Variants in EXTL1 observed in about 807,000 individuals in gnomAD.
The protein encoded by EXTL1 is exostosin like glycosyltransferase 1, also known as exostosin-like 1.
Under a neutral mutation model 64.6 loss-of-function variants are expected in EXTL1, and 43 were observed. That is an observed-to-expected ratio of 0.67 (90% CI 0.52 to 0.86). The LOEUF (loss-of-function observed/expected upper bound fraction) is 0.86. Ranked by LOEUF, EXTL1 falls within the 40% of genes least tolerant of loss-of-function variation. The probability of loss-of-function intolerance (pLI) is 0.00; values close to 1 mark genes in which losing one functional copy is unlikely to be tolerated. For missense variants in EXTL1, 766 were observed against 879.0 expected (o/e 0.87, Z 1.62); for synonymous variants, 352 against 360.5 (o/e 0.98, Z 0.27).
chr1:26,033,851 C>A lies in EXTL1; in HGVS notation c.1674C>A (p.Tyr558Ter). 3 of 1,613,356 alleles carry A rather than the reference C, an allele frequency of 1.9e-6. 1 individual carries two copies. In the South Asian group the frequency reaches 3.3e-5, roughly 18 times the overall value. The change falls in exon 9 of 11, where the codon TAC (tyrosine) becomes TAA (stop). Residue 558 changes from tyrosine to a stop codon, truncating the protein, a stop_gained. Coordinates refer to ENST00000374280, the MANE Select transcript of EXTL1 (RefSeq NM_004455.3). LOFTEE classifies it high-confidence loss of function. This position sits in a 1 kb window ranked among gnomAD's most constrained non-coding sequence, Gnocchi z 5.1. Reference sequence around the variant, plus strand: ...TGGTTCTCACCACAGCCGCCTTCTACCATAGGTACAGACCCCTACCCTGCA... The same window carrying A: ...TGGTTCTCACCACAGCCGCCTTCTAACATAGGTACAGACCCCTACCCTGCA... ...FSMVLTTAAF[Y>*]HRYYHTLFTH...
At position 26,030,491 on chromosome 1, in the gene EXTL1, C is replaced by A; in HGVS notation, c.997C>A (p.Gln333Lys). The A allele has an allele frequency of 6.2e-7, 1 of 1,612,152 alleles. No individual in the cohort carries two copies. The highest frequency in any genetic ancestry group is 8.5e-7 in the Non-Finnish European group (1 of 1,179,224). Reference sequence around the variant, plus strand: ...TCTGCTCCAGGTCCTGGCTGCCCTCCAGGAGATGTCCCCTGCACGGGTCCT... The same window carrying A: ...TCTGCTCCAGGTCCTGGCTGCCCTCAAGGAGATGTCCCCTGCACGGGTCCT... ...RLPLQVLAAL[Q>K]EMSPARVLAL... The change falls in exon 4 of 11, where the codon CAG (glutamine) becomes AAG (lysine). Residue 333 changes from glutamine (Q) to lysine (K), a missense_variant. Coordinates refer to ENST00000374280, the MANE Select transcript of EXTL1 (RefSeq NM_004455.3).
Position 26,033,550 on chromosome 1 carries a change from C to G in EXTL1, c.1519-146C>G, listed in dbSNP as rs1279574170. 3 of 847,904 alleles carry G rather than the reference C, an allele frequency of 3.5e-6. No homozygotes were observed. Among genetic ancestry groups the G allele is most frequent in the Non-Finnish European group, 1.9e-6 (1 of 523,854 alleles). The allele number at this position is 847,904 out of a possible 1,614,324, so 52.5% of individuals were successfully genotyped here. On this transcript the variant is annotated intron_variant, in intron 8 of 10. Coordinates refer to ENST00000374280, the MANE Select transcript of EXTL1 (RefSeq NM_004455.3). This position sits in a 1 kb window ranked among gnomAD's most constrained non-coding sequence, Gnocchi z 5.1. ...CCCTGGAAGCTTTCATGCCACACTT[C>G]CAGCCAATTCCAAGTCTTGGCTCCC...
Position 26,022,798 on chromosome 1 carries a change from A to G in EXTL1, c.152A>G (p.Asp51Gly). 1 of 1,614,026 alleles carries G rather than the reference A, an allele frequency of 6.2e-7. No homozygotes were observed. Among genetic ancestry groups the G allele is most frequent in the East Asian group, 2.2e-5 (1 of 44,852 alleles). The change falls in exon 1 of 11, where the codon GAT becomes GGT. Residue 51 changes from aspartate to glycine, a missense_variant. Physicochemically the swap from Asp to Gly is moderately conservative, Grantham distance 94. This residue lies in a region of EXTL1 where 571 missense variants were observed against 647.6 expected (regional missense o/e 0.88). Coordinates refer to ENST00000374280, the MANE Select transcript of EXTL1 (RefSeq NM_004455.3). ...GASQGWPRWL[D>G]AELLQSFSQP... ...TCCCAAGGCTGGCCCCGCTGGCTGG[A>G]TGCAGAGCTCCTGCAGAGCTTCTCC...
In EXTL1 at chr1:26,031,062, AG is replaced by A. The variant is rs1453092896; in HGVS notation, c.1102-69del. 1.4e-5 allele frequency: 23 copies of A among 1,593,184 alleles called. No homozygotes were observed. In the Admixed American group the frequency reaches 3.9e-4, roughly 27 times the overall value. On this transcript the variant is annotated intron_variant, in intron 4 of 10. Transcript: ENST00000374280. ...GTGATGCAGCTGCCACCCTCCCCAG[AG>A]CCTGGAAGGGGAGGTGTGGCCATGG... is the stretch of plus-strand genomic sequence containing the variant.
In EXTL1 at chr1:26,033,156, A is replaced by T. The variant is rs991973327; in HGVS notation, c.1432-73A>T. On this transcript the variant is annotated intron_variant, in intron 7 of 10. Coordinates refer to ENST00000374280, the MANE Select transcript of EXTL1 (RefSeq NM_004455.3). The surrounding 1 kb of genome is among the most constrained non-coding windows in gnomAD (Gnocchi z 5.1). Reference sequence around the variant, plus strand: ...GCTCAGGCGTCTACACTGTGCCTGAATGGCTCCTACTTATTGGATGGGGGT... The same window carrying T: ...GCTCAGGCGTCTACACTGTGCCTGATTGGCTCCTACTTATTGGATGGGGGT... The T allele has an allele frequency of 1.1e-5, 12 of 1,084,156 alleles. No individual in the cohort carries two copies. Among genetic ancestry groups the T allele is most frequent in the Middle Eastern group, 3.9e-4 (2 of 5,086 alleles). The allele number at this position is 1,084,156 out of a possible 1,614,324, so 67.2% of individuals were successfully genotyped here.
chr1:26,026,063 A>G (rs564365823), intron 1 of EXTL1, among the ~76,000 whole-genome samples: 26 of 151,880 alleles, frequency 1.7e-4, no homozygotes, highest in African/African-American at 6.0e-4. Context: ...ACATGGTGAG[A>G]CCCTGTCTCT....
At position 26,035,571 on chromosome 1, in the gene EXTL1, G is replaced by T; in HGVS notation, c.*224G>T. The T allele has an allele frequency of 2.2e-6, 1 of 451,872 alleles. No individual in the cohort carries two copies. The allele number at this position is 451,872 out of a possible 1,614,324, so 28.0% of individuals were successfully genotyped here. On this transcript the variant is annotated 3_prime_UTR_variant, in exon 11 of 11. Transcript: ENST00000374280. The surrounding 1 kb of genome is among the most constrained non-coding windows in gnomAD (Gnocchi z 5.3). ...TCTGCGGAGGCTGAGCCCCGCGACC[G>T]GAGCGCCGCTCTCCGCTTCTCCACC...
At position 26,033,730 on chromosome 1, in the gene EXTL1, C is replaced by T. The variant is rs757365303; in HGVS notation, c.1553C>T (p.Pro518Leu). 2 of 1,614,162 alleles carry T rather than the reference C, an allele frequency of 1.2e-6. No individual in the cohort carries two copies. Among genetic ancestry groups the T allele is most frequent in the South Asian group, 1.1e-5 (1 of 91,082 alleles). ...GCCTTTCTGGTGTGGCAGAGCTTCC[C>T]AGAGCGGATGGTGGGCTTCCTGACG... is the stretch of plus-strand genomic sequence containing the variant. ...DFAFLVWQSF[P>L]ERMVGFLTSS... The change falls in exon 9 of 11, where the codon CCA (proline) becomes CTA (leucine). Residue 518 changes from proline to leucine, a missense_variant. Pro to Leu is a moderately conservative substitution (Grantham distance 98). This residue lies in a region of EXTL1 where 194 missense variants were observed against 214.5 expected (regional missense o/e 0.90). Transcript: ENST00000374280. This position sits in a 1 kb window ranked among gnomAD's most constrained non-coding sequence, Gnocchi z 5.1.
At position 26,035,258 on chromosome 1, in the gene EXTL1, C is replaced by T; in HGVS notation, c.1942C>T (p.Leu648=). 1 of 1,613,714 alleles carries T rather than the reference C, an allele frequency of 6.2e-7. No individual in the cohort carries two copies. The highest frequency in any genetic ancestry group is 8.5e-7 in the Non-Finnish European group (1 of 1,179,956). ...IAAAFGHMPL[L]SSRLRLDPVL... is the part of the protein sequence containing the mutation. Reference sequence around the variant, plus strand: ...GGCAGCGTTCGGCCACATGCCCTTGCTGTCCTCTCGTCTGCGTCTGGACCC... The same window carrying T: ...GGCAGCGTTCGGCCACATGCCCTTGTTGTCCTCTCGTCTGCGTCTGGACCC... The change falls in exon 11 of 11, where the codon CTG becomes TTG. Residue 648 remains leucine (L), a synonymous_variant. Transcript: ENST00000374280. The surrounding 1 kb of genome is among the most constrained non-coding windows in gnomAD (Gnocchi z 5.3).
rs775909797 is a variant in EXTL1 at position 26,023,396 on chromosome 1, G to A, written c.750G>A (p.Gly250=). The A allele has an allele frequency of 2.0e-5, 29 of 1,453,450 alleles. No individual in the cohort carries two copies. Among genetic ancestry groups the A allele is most frequent in the Non-Finnish European group, 2.6e-5 (29 of 1,099,600 alleles). 90.0% of individuals were successfully genotyped at this position (1,453,450 alleles called of 1,614,324 possible). Residue 250 remains glycine, a synonymous_variant, in exon 1 of 11, where the codon GGG becomes GGA. Transcript: ENST00000374280. ...DTGSSACPWD[G]RCEQDPGPGQ... ...GCTCCTCTGCCTGCCCCTGGGATGG[G>A]CGCTGTGAGCAAGACCCTGGACCTG...
rs1341782930 is a variant in EXTL1 at position 26,022,725 on chromosome 1, T to A, written c.79T>A (p.Phe27Ile). 1.2e-6 allele frequency: 2 copies of A among 1,613,902 alleles called. No individual in the cohort carries two copies. Reference sequence around the variant, plus strand: ...GCTCCTGCTTGTCCTGCTGGGAGGCTTCTCCCTTCTCCGCCTGGCATTGCC... The same window carrying A: ...GCTCCTGCTTGTCCTGCTGGGAGGCATCTCCCTTCTCCGCCTGGCATTGCC... ...SWLLLVLLGGFSLLRLALPPR... is the reference protein window; with the variant it reads ...SWLLLVLLGGISLLRLALPPR... Residue 27 changes from phenylalanine (F) to isoleucine (I), a missense_variant, in exon 1 of 11, where the codon TTC (phenylalanine) becomes ATC (isoleucine). Coordinates refer to ENST00000374280, the MANE Select transcript of EXTL1 (RefSeq NM_004455.3).
Position 26,035,334 on chromosome 1 carries a change from T to C in EXTL1, c.2018T>C (p.Leu673Pro). 1 of 1,609,332 alleles carries C rather than the reference T, an allele frequency of 6.2e-7. No individual in the cohort carries two copies. The highest frequency in any genetic ancestry group is 8.5e-7 in the Non-Finnish European group (1 of 1,177,332). The change falls in exon 11 of 11, where the codon CTG becomes CCG. Residue 673 changes from leucine to proline, a missense_variant. Physicochemically the swap from Leu to Pro is moderately conservative, Grantham distance 98 (BLOSUM62 -3). This residue lies in a region of EXTL1 where 194 missense variants were observed against 214.5 expected (regional missense o/e 0.90). Transcript: ENST00000374280. The surrounding 1 kb of genome is among the most constrained non-coding windows in gnomAD (Gnocchi z 5.3). ...VSVQRKKYRSLEKP is the reference protein window; with the variant it reads ...VSVQRKKYRSPEKP The stretch of plus-strand genomic sequence containing the variant: ...GTGCAGCGCAAGAAGTACCGCAGCC[T>C]GGAGAAGCCCTAGGGGGGCGACCCG...
Position 26,022,799 on chromosome 1 carries a change from T to C in EXTL1, c.153T>C (p.Asp51=), listed in dbSNP as rs1263233456. 2.5e-6 allele frequency: 4 copies of C among 1,614,034 alleles called. No individual in the cohort carries two copies. Among genetic ancestry groups the C allele is most frequent in the South Asian group, 1.1e-5 (1 of 91,072 alleles). ...GASQGWPRWL[D]AELLQSFSQP... Reference sequence around the variant, plus strand: ...CCCAAGGCTGGCCCCGCTGGCTGGATGCAGAGCTCCTGCAGAGCTTCTCCC... The same window carrying C: ...CCCAAGGCTGGCCCCGCTGGCTGGACGCAGAGCTCCTGCAGAGCTTCTCCC... Residue 51 remains aspartate (D), a synonymous_variant, in exon 1 of 11, where the codon GAT becomes GAC. Coordinates refer to ENST00000374280, the MANE Select transcript of EXTL1 (RefSeq NM_004455.3).
Position 26,022,692 on chromosome 1 carries a change from G to A in EXTL1, c.46G>A (p.Ala16Thr). The A allele has an allele frequency of 6.2e-7, 1 of 1,612,354 alleles. No homozygotes were observed. Among genetic ancestry groups the A allele is most frequent in the Non-Finnish European group, 8.5e-7 (1 of 1,179,152 alleles). ...AAAGTCCCTGTGGCTGGCACTGTCA[G>A]CCTCCTGGCTCCTGCTTGTCCTGCT... ...RRKSLWLALS[A>T]SWLLLVLLGG... Residue 16 changes from alanine (A) to threonine (T), a missense_variant, in exon 1 of 11, where the codon GCC becomes ACC. Physicochemically the swap from Ala to Thr is moderately conservative, Grantham distance 58 (BLOSUM62 0). This residue lies in a region of EXTL1 where 571 missense variants were observed against 647.6 expected (regional missense o/e 0.88). Coordinates refer to ENST00000374280, the MANE Select transcript of EXTL1 (RefSeq NM_004455.3).
At position 26,034,710 on chromosome 1, in the gene EXTL1, T is replaced by G. The variant is rs2050320404; in HGVS notation, c.1680-126T>G. 1 of 937,458 alleles carries G rather than the reference T, an allele frequency of 1.1e-6. No individual in the cohort carries two copies. Among genetic ancestry groups the G allele is most frequent in the Admixed American group, 2.2e-5 (1 of 45,096 alleles). The allele number at this position is 937,458 out of a possible 1,614,324, so 58.1% of individuals were successfully genotyped here. On this transcript the variant is annotated intron_variant, in intron 9 of 10. Coordinates refer to ENST00000374280, the MANE Select transcript of EXTL1 (RefSeq NM_004455.3). The surrounding 1 kb of genome is among the most constrained non-coding windows in gnomAD (Gnocchi z 4.6). ...GTTCACGCCAGGGATGGGAGCTCTCTGAGGCAGCCAGGGCTCAGAGGCTTG... is the reference window on the plus strand; with the variant it reads ...GTTCACGCCAGGGATGGGAGCTCTCGGAGGCAGCCAGGGCTCAGAGGCTTG...
Position 26,035,472 on chromosome 1 carries a change from T to A in EXTL1, c.*125T>A. 2.3e-6 allele frequency: 2 copies of A among 886,170 alleles called. No individual in the cohort carries two copies. The highest frequency in any genetic ancestry group is 4.0e-5 in the South Asian group (2 of 50,632). 54.9% of individuals were successfully genotyped at this position (886,170 alleles called of 1,614,324 possible). A position where few individuals can be genotyped will look rare whatever the true frequency, so the allele number is the denominator to read the frequency against. On this transcript the variant is annotated 3_prime_UTR_variant, in exon 11 of 11. Transcript: ENST00000374280. This position sits in a 1 kb window ranked among gnomAD's most constrained non-coding sequence, Gnocchi z 5.3. ...TCATGTCAGCCAGCGGGCCCACACG[T>A]CGGACCCCGGTTGGCCAATCACAAC...
At chr1:26,028,171 C>A (rs2050239058) in intron 1 of EXTL1, among the ~76,000 whole-genome samples, 1 of 152,134 alleles carries the variant, frequency 6.6e-6, no homozygotes, top group Admixed American at 6.5e-5. Context: ...CCCTGGAAGA[C>A]CCCTAAAGCA....
intron 2 of EXTL1, 77 bp downstream of exon 2, chr1:26,029,363 C>A: frequency 8.2e-7 from 1 of 1,222,198 alleles, no homozygotes; most frequent in Non-Finnish European, 1.2e-6. Flanking sequence ...TGGGTCCAGG[C>A]CAATGAGAAG....
chr1:26,035,003 T>C lies in EXTL1; in HGVS notation c.1847T>C (p.Leu616Pro), dbSNP rs1274850437. ...YGKQRQEAAP[L>P]APGGPGPRPK... is the part of the protein sequence containing the mutation. ...AAGCAGCGCCAGGAGGCTGCTCCAC[T>C]GGTGAGGGCTGAGGGGGATTGGTCG... The change falls in exon 10 of 11, where the codon CTG (leucine) becomes CCG (proline). Residue 616 changes from leucine (L) to proline (P), a missense_variant and splice_region_variant. By Grantham distance (98) the Leu-to-Pro change is moderately conservative (BLOSUM62 -3). This residue lies in a region of EXTL1 where 194 missense variants were observed against 214.5 expected (regional missense o/e 0.90). Transcript: ENST00000374280. The surrounding 1 kb of genome is among the most constrained non-coding windows in gnomAD (Gnocchi z 5.3). 3 of 1,613,928 alleles carry C rather than the reference T, an allele frequency of 1.9e-6. No homozygotes were observed. The highest frequency in any genetic ancestry group is 2.5e-6 in the Non-Finnish European group (3 of 1,179,966).
Sources: gnomAD v4.1 joint callset for allele counts (sites outside exome capture counted in the v4.1 genomes callset) on GRCh38, gnomAD v4.1.1 for gene constraint, gnomAD v4.1.1 regional missense constraint, Gnocchi (gnomAD v3.1) non-coding constraint, MANE v1.5 for transcripts, NCBI Gene and HGNC (gene_info 2026-07-23, HGNC 2026-07-21) for gene names.